POLR2C: variants seen among roughly 807,000 people sequenced by gnomAD.
POLR2C encodes the protein RNA polymerase II subunit C, also known as DNA-directed RNA polymerase II subunit RPB3.
Under a neutral mutation model 41.7 loss-of-function variants are expected in POLR2C, and 36 were observed. The ratio of observed to expected loss-of-function variants is 0.86; its 90% confidence interval spans 0.66 to 1.14. The LOEUF (loss-of-function observed/expected upper bound fraction) is 1.14, where lower values mean the gene tolerates loss of function less well. Ranked by LOEUF, POLR2C falls within the 50% of genes most tolerant of loss-of-function variation. POLR2C has a pLI of 0.00. For missense variants in POLR2C, 260 were observed against 350.4 expected (o/e 0.74, Z 2.06); for synonymous variants, 133 against 137.8 (o/e 0.96, Z 0.25).
Position 57,469,945 on chromosome 16 carries a change from G to T in POLR2C, c.440-16G>T. 1 of 1,610,494 alleles carries T rather than the reference G, an allele frequency of 6.2e-7. No individual in the cohort carries two copies. The highest frequency in any genetic ancestry group is 1.4e-5 in the African/African-American group (1 of 73,598). On this transcript the variant is annotated splice_polypyrimidine_tract_variant and intron_variant, in intron 6 of 8. Coordinates refer to ENST00000219252, the MANE Select transcript of POLR2C (RefSeq NM_032940.3). The surrounding 1 kb of genome is among the most constrained non-coding windows in gnomAD (Gnocchi z 5.8). ...GTCTCTCCTGGCCCTTGACTGACTT[G>T]TGCCTCTCCCTGCAGACATCCTCAT...
chr16:57,462,724 G>A lies in POLR2C; in HGVS notation c.-1G>A. The stretch of plus-strand genomic sequence containing the variant: ...GCGGAGGCTGGTGGCCCCTGGGCGA[G>A]ATGCCGTACGCCAACCAGCCTACCG... On this transcript the variant is annotated 5_prime_UTR_variant, in exon 1 of 9. Transcript: ENST00000219252. 1 of 1,596,812 alleles carries A rather than the reference G, an allele frequency of 6.3e-7. No individual in the cohort carries two copies. The highest frequency in any genetic ancestry group is 8.5e-7 in the Non-Finnish European group (1 of 1,171,786).
intron 2 of POLR2C, among the ~76,000 whole-genome samples, chr16:57,464,669 C>G (rs1180885861): frequency 7.8e-6 from 1 of 128,536 alleles, no homozygotes; most frequent in Non-Finnish European, 1.6e-5. Flanking sequence ...ACCCCACCCC[C>G]CCGCCCCCCA....
Position 57,469,559 on chromosome 16 carries a change from G to A in POLR2C, c.388-151G>A. ...GGCTACCACCACACCCTGAAGTGGGGGTTGGAGTCCTGGGGGCATCTGTGC... is the reference window on the plus strand; with the variant it reads ...GGCTACCACCACACCCTGAAGTGGGAGTTGGAGTCCTGGGGGCATCTGTGC... On this transcript the variant is annotated intron_variant, in intron 5 of 8. Coordinates refer to ENST00000219252, the MANE Select transcript of POLR2C (RefSeq NM_032940.3). This position sits in a 1 kb window ranked among gnomAD's most constrained non-coding sequence, Gnocchi z 5.8. The A allele has an allele frequency of 1.3e-6, 1 of 768,760 alleles. No homozygotes were observed. Among genetic ancestry groups the A allele is most frequent in the Admixed American group, 2.0e-5 (1 of 49,632 alleles). 47.6% of individuals were successfully genotyped at this position (768,760 alleles called of 1,614,324 possible). A position where few individuals can be genotyped will look rare whatever the true frequency, so the allele number is the denominator to read the frequency against.
In POLR2C at chr16:57,462,724, G is replaced by C; in HGVS notation, c.-1G>C. 3 of 1,596,812 alleles carry C rather than the reference G, an allele frequency of 1.9e-6. No homozygotes were observed. Among genetic ancestry groups the C allele is most frequent in the South Asian group, 1.1e-5 (1 of 88,464 alleles). On this transcript the variant is annotated 5_prime_UTR_variant, in exon 1 of 9. Transcript: ENST00000219252. The stretch of plus-strand genomic sequence containing the variant: ...GCGGAGGCTGGTGGCCCCTGGGCGA[G>C]ATGCCGTACGCCAACCAGCCTACCG...
chr16:57,467,004 C>T (rs1400192318), intron 4 of POLR2C, among the ~76,000 whole-genome samples: 4 of 152,134 alleles, frequency 2.6e-5, no homozygotes, highest in Admixed American at 6.5e-5. Context: ...GAGGCCGAGG[C>T]GGGTTTATCA....
At chr16:57,465,162 G>A (rs1223736392) in intron 2 of POLR2C, among the ~76,000 whole-genome samples, 3 of 152,158 alleles carry the variant, frequency 2.0e-5, no homozygotes, top group African/African-American at 7.2e-5. Context: ...CTTGGGTCAG[G>A]GTTCTCTCAG....
chr16:57,466,154 G>T, intron 3 of POLR2C, 21 bp from the exon 4 acceptor site: 1 of 1,593,816 alleles, frequency 6.3e-7, no homozygotes, highest in Non-Finnish European at 8.6e-7. Context: ...TTTCTTTAAA[G>T]TGCTTTTCTG....
intron 2 of POLR2C, 184 bp from the exon 3 acceptor site, chr16:57,465,769 G>A: frequency 3.5e-6 from 2 of 565,438 alleles, no homozygotes; most frequent in Non-Finnish European, 6.3e-6. Context: ...GGGCAGGGAG[G>A]TGAGGTGTGG....
At chr16:57,463,616 T>C (rs2030634799) in intron 2 of POLR2C, 1 of 454,382 alleles carries the variant, frequency 2.2e-6, no homozygotes, top group Non-Finnish European at 4.4e-6. Flanking sequence ...TTAGCTCCCA[T>C]GCGGTGTTTG....
intron 2 of POLR2C, chr16:57,463,678 T>C (rs757018402): frequency 8.8e-6 from 4 of 452,982 alleles, no homozygotes; most frequent in Non-Finnish European, 1.8e-5. Context: ...CAGGCCGCGC[T>C]CGCGCCTGTA....
chr16:57,470,659 G>T (rs1461807633), intron 8 of POLR2C, among the ~76,000 whole-genome samples: 2 of 152,150 alleles, frequency 1.3e-5, no homozygotes, highest in Non-Finnish European at 2.9e-5. Context: ...GTTCCACAGG[G>T]TGACTGTGAA....
intron 4 of POLR2C, 36 bp downstream of exon 4, chr16:57,466,263 T>TG (rs1290996217): frequency 1.5e-5 from 21 of 1,434,726 alleles, no homozygotes; most frequent in Non-Finnish European, 2.0e-5. Flanking sequence ...TGAGGTTTGG[T>TG]GGGGAGGCTT....
At chr16:57,466,065 C>A in intron 3 of POLR2C, 44 bp downstream of exon 3, 2 of 1,445,874 alleles carry the variant, frequency 1.4e-6, no homozygotes, top group Non-Finnish European at 1.9e-6. Flanking sequence ...GGGTATTGTG[C>A]CTAGTGTCAG....
At position 57,470,075 on chromosome 16, in the gene POLR2C, A is replaced by G; in HGVS notation, c.554A>G (p.Glu185Gly). The change falls in exon 7 of 9, where the codon GAA (glutamate) becomes GGA (glycine). Residue 185 changes from glutamate (E) to glycine (G), a missense_variant. Physicochemically the swap from Glu to Gly is moderately conservative, Grantham distance 98 (BLOSUM62 -2). Coordinates refer to ENST00000219252, the MANE Select transcript of POLR2C (RefSeq NM_032940.3). ...KWNPTAGVAF[E>G]YDPDNALRHT... ...AACCCTACTGCAGGGGTGGCTTTTG[A>G]ATACGATCCAGACAATGCCCTGAGG... is the stretch of plus-strand genomic sequence containing the variant. 1.2e-6 allele frequency: 2 copies of G among 1,614,174 alleles called. No individual in the cohort carries two copies. Among genetic ancestry groups the G allele is most frequent in the Non-Finnish European group, 1.7e-6 (2 of 1,180,036 alleles).
At position 57,470,305 on chromosome 16, in the gene POLR2C, G is replaced by T. The variant is rs750460074; in HGVS notation, c.634G>T (p.Asp212Tyr). ...EWPKSEYSEL[D>Y]EDESQAPYDP... The stretch of plus-strand genomic sequence containing the variant: ...GCCAAAGAGTGAGTACTCGGAGCTG[G>T]ATGAGGATGAGTCGCAGGCTCCCTA... Residue 212 changes from aspartate (D) to tyrosine (Y), a missense_variant, in exon 8 of 9, where the codon GAT (aspartate) becomes TAT (tyrosine). Coordinates refer to ENST00000219252, the MANE Select transcript of POLR2C (RefSeq NM_032940.3). 2.0e-5 allele frequency: 32 copies of T among 1,613,186 alleles called. No individual in the cohort carries two copies. Among genetic ancestry groups the T allele is most frequent in the Non-Finnish European group, 2.6e-5 (31 of 1,179,536 alleles).
In POLR2C at chr16:57,469,729, A is replaced by T; in HGVS notation, c.407A>T (p.Asp136Val). The T allele has an allele frequency of 1.2e-6, 2 of 1,614,086 alleles. No homozygotes were observed. Among genetic ancestry groups the T allele is most frequent in the East Asian group, 4.5e-5 (2 of 44,874 alleles). ...CTACAGGTGACATCCCGGAACCGAG[A>T]TAATGACCCCAATGACTACGTGGAG... The part of the protein sequence containing the change: ...RVIPVTSRNR[D>V]NDPNDYVEQD... Residue 136 changes from aspartate (D) to valine (V), a missense_variant, in exon 6 of 9, where the codon GAT (aspartate) becomes GTT (valine). By Grantham distance (152) the Asp-to-Val change is radical. Coordinates refer to ENST00000219252, the MANE Select transcript of POLR2C (RefSeq NM_032940.3). The surrounding 1 kb of genome is among the most constrained non-coding windows in gnomAD (Gnocchi z 5.8).
rs145462375 is a variant in POLR2C, at chr16:57,462,769, T to G, written c.45T>G (p.Thr15=). Residue 15 remains threonine, a synonymous_variant, in exon 1 of 9, where the codon ACT becomes ACG. Coordinates refer to ENST00000219252, the MANE Select transcript of POLR2C (RefSeq NM_032940.3). ...CTACCGTGCGGATCACGGAGCTCAC[T>G]GACGAGAATGTCAAGTTCATCATCG... ...NQPTVRITEL[T]DENVKFIIEN... is the part of the protein sequence containing the mutation. The G allele has an allele frequency of 6.2e-6, 10 of 1,609,426 alleles. No individual in the cohort carries two copies. The highest frequency in any genetic ancestry group is 5.1e-6 in the Non-Finnish European group (6 of 1,177,868).
intron 2 of POLR2C, 150 bp downstream of exon 2, chr16:57,463,228 G>C: frequency 6.9e-6 from 5 of 727,342 alleles, no homozygotes; most frequent in Non-Finnish European, 1.2e-5. Context: ...ACCATACCCT[G>C]TGCCCTTGGC....
At chr16:57,465,904 T>C (rs769520417) in intron 2 of POLR2C, 49 bp from the exon 3 acceptor site, 3 of 1,119,242 alleles carry the variant, frequency 2.7e-6, no homozygotes, top group South Asian at 2.5e-5. Flanking sequence ...ATTAAGTCTG[T>C]AGGTAAATTT....
Sources: gnomAD v4.1 joint callset for allele counts (sites outside exome capture counted in the v4.1 genomes callset) on GRCh38, gnomAD v4.1.1 for gene constraint, Gnocchi (gnomAD v3.1) non-coding constraint, MANE v1.5 for transcripts, NCBI Gene and HGNC (gene_info 2026-07-23, HGNC 2026-07-21) for gene names.